MEIS2: variants seen among roughly 807,000 people sequenced by gnomAD.
MEIS2 encodes the protein Meis homeobox 2.
Under a neutral mutation model 58.6 loss-of-function variants are expected in MEIS2, and 9 were observed. The observed-to-expected ratio is 0.15, with a 90% CI of 0.09 to 0.27. The LOEUF (loss-of-function observed/expected upper bound fraction) is 0.27. Ranked by LOEUF, MEIS2 falls within the 10% of genes least tolerant of loss-of-function variation. MEIS2 has a pLI of 1.00. For synonymous variants in MEIS2, 221 were observed against 228.4 expected (o/e 0.97, Z 0.29); for missense variants, 427 against 635.0 (o/e 0.67, Z 3.52).
intron 7 of MEIS2, among the ~76,000 whole-genome samples, chr15:37,081,600 T>C (rs184328919): frequency 2.4e-4 from 37 of 152,330 alleles, no homozygotes; most frequent in African/African-American, 8.4e-4. Context: ...TGCTCTTATA[T>C]ATGTGTTTTA....
intron 9 of MEIS2, among the ~76,000 whole-genome samples, chr15:36,931,907 T>C (rs1333814209): frequency 6.6e-6 from 1 of 152,142 alleles, no homozygotes; most frequent in African/African-American, 2.4e-5. Context: ...AACAAATTAA[T>C]AGACAGATAT....
At chr15:37,055,523 C>T (rs1400462561) in intron 7 of MEIS2, among the ~76,000 whole-genome samples, 1 of 152,194 alleles carries the variant, frequency 6.6e-6, no homozygotes, top group African/African-American at 2.4e-5. Context: ...AAACCTTCCA[C>T]CACTGCCACA....
intron 8 of MEIS2, chr15:36,972,861 T>C (rs1390805921): frequency 6.6e-6 from 1 of 152,138 alleles, no homozygotes; most frequent in Non-Finnish European, 1.5e-5. Context: ...GAAACCAATT[T>C]CTCATATCAA....
intron 10 of MEIS2, 138 bp downstream of exon 10, chr15:36,896,490 G>C (rs2056183940): frequency 1.7e-6 from 1 of 573,672 alleles, no homozygotes; most frequent in African/African-American, 1.9e-5. Context: ...CCTTGAGTGG[G>C]ATTCTGGGGA....
At chr15:37,078,259 A>G (rs1205610653) in intron 7 of MEIS2, among the ~76,000 whole-genome samples, 4 of 152,076 alleles carry the variant, frequency 2.6e-5, no homozygotes, top group African/African-American at 7.2e-5. Context: ...GCAGAGCCAT[A>G]GAGTAACACT....
At chr15:36,996,702 T>C (rs983345450) in intron 8 of MEIS2, among the ~76,000 whole-genome samples, 1 of 152,074 alleles carries the variant, frequency 6.6e-6, no homozygotes, top group Non-Finnish European at 1.5e-5. Flanking sequence ...GGAACGGAAA[T>C]GGAACCTCTG....
chr15:37,043,167 A>T (rs2062504032), intron 7 of MEIS2, among the ~76,000 whole-genome samples: 1 of 152,218 alleles, frequency 6.6e-6, no homozygotes, highest in South Asian at 2.1e-4. Context: ...CTTGTGGTAC[A>T]TTATTTAATT....
At chr15:37,023,543 T>G (rs2061595257) in intron 8 of MEIS2, among the ~76,000 whole-genome samples, 2 of 152,232 alleles carry the variant, frequency 1.3e-5, no homozygotes, top group Non-Finnish European at 2.9e-5. Flanking sequence ...TTGGAATTCT[T>G]ACTTACTGGT....
At chr15:36,914,057 G>A (rs1266022860) in intron 9 of MEIS2, among the ~76,000 whole-genome samples, 2 of 152,202 alleles carry the variant, frequency 1.3e-5, no homozygotes, top group African/African-American at 4.8e-5. Flanking sequence ...GTGGTATGGT[G>A]GGATCTGAGG....
chr15:37,089,344 C>A (rs963188171), intron 6 of MEIS2, among the ~76,000 whole-genome samples: 5 of 152,204 alleles, frequency 3.3e-5, no homozygotes, highest in Admixed American at 1.3e-4. Flanking sequence ...TCACTTCCCT[C>A]TAATTTTTCA....
At chr15:37,031,815 T>TTGTGTGTGTGTGTGTG (rs66770353) in intron 8 of MEIS2, among the ~76,000 whole-genome samples, 1 of 134,124 alleles carries the variant, frequency 7.5e-6, no homozygotes, top group Non-Finnish European at 1.6e-5. Context: ...TTACATCACT[T>TTGTGTGTGTGTGTGTG]TGTGTGTGTG....
chr15:36,970,380 G>C (rs1003245822), intron 8 of MEIS2, among the ~76,000 whole-genome samples: 2 of 150,996 alleles, frequency 1.3e-5, no homozygotes, highest in African/African-American at 2.4e-5. Flanking sequence ...CTCCAGCCTG[G>C]GCGACAGAGC....
chr15:36,898,840 T>C (rs916790697), intron 9 of MEIS2: 4 of 152,190 alleles, frequency 2.6e-5, no homozygotes, highest in Middle Eastern at 3.2e-3. Context: ...CACACAACAA[T>C]GCAGAACATT....
chr15:37,075,648 G>T (rs1301766554), intron 7 of MEIS2, among the ~76,000 whole-genome samples: 1 of 152,070 alleles, frequency 6.6e-6, no homozygotes, highest in Admixed American at 6.6e-5. Flanking sequence ...AATCGAAGAA[G>T]TGATAATCTG....
rs953368623 is a variant in MEIS2 at position 37,059,840 on chromosome 15, C to T, written c.755-22881G>A. On this transcript the variant is annotated intron_variant, in intron 7 of 11. Coordinates refer to ENST00000561208, the MANE Select transcript of MEIS2 (RefSeq NM_170675.5). ...CCTGTGGTCCCAGCTACTCAGGAGG[C>T]TGAGGCAAGAGAATCGCTTGCGCCT... 2.6e-5 allele frequency among the ~76,000 whole-genome samples: 4 copies of T among 152,202 alleles called. No individual in the cohort carries two copies. The East Asian group carries it at 7.7e-4, about 29-fold the overall frequency.
At chr15:36,966,321 T>C in intron 8 of MEIS2, among the ~76,000 whole-genome samples, 1 of 152,192 alleles carries the variant, frequency 6.6e-6, no homozygotes, top group Non-Finnish European at 1.5e-5. Flanking sequence ...ATGTTTTCAA[T>C]AAATATATAT....
chr15:36,995,706 TAAAAAAAAAAAAAAA>T (rs71821151), intron 8 of MEIS2, among the ~76,000 whole-genome samples: 1 of 4,122 alleles, frequency 2.4e-4, no homozygotes, highest in Admixed American at 7.0e-3. Flanking sequence ...TTACAGCTAC[TAAAAAAAAAAAAAAA>T]AAAAAAAAAA....
At chr15:37,082,719 T>C (rs1214974677) in intron 7 of MEIS2, among the ~76,000 whole-genome samples, 5 of 152,160 alleles carry the variant, frequency 3.3e-5, no homozygotes, top group Admixed American at 3.3e-4. Context: ...TTTGGACCCA[T>C]TCACAAATGA....
intron 8 of MEIS2, among the ~76,000 whole-genome samples, chr15:36,981,968 G>A (rs181261241): frequency 3.0e-4 from 45 of 152,126 alleles, no homozygotes; most frequent in African/African-American, 1.1e-3. Context: ...CCAGTTCTCA[G>A]GCCTTACATG....
Sources: gnomAD v4.1 joint callset for allele counts (sites outside exome capture counted in the v4.1 genomes callset) on GRCh38, gnomAD v4.1.1 for gene constraint, MANE v1.5 for transcripts, NCBI Gene and HGNC (gene_info 2026-07-23, HGNC 2026-07-21) for gene names.